The following C1QBP variants were observed in gnomAD, a reference collection of about 807,000 sequenced individuals.
C1QBP encodes complement component 1 Q subcomponent-binding protein, mitochondrial.
In C1QBP, 24 loss-of-function variants were observed where a neutral mutation model predicts 29.4. That is an observed-to-expected ratio of 0.82 (90% confidence interval 0.59 to 1.15). The LOEUF is 1.15. C1QBP is among the 50% of genes most tolerant of loss of function. C1QBP has a pLI of 0.00. For synonymous variants in C1QBP, 182 were observed against 149.2 expected, an observed-to-expected ratio of 1.22 and a Z score of -1.60; for missense variants, 337 against 355.8, an observed-to-expected ratio of 0.95 and a Z score of 0.43.
In C1QBP at chr17:5,433,240, A is replaced by G. The variant is rs193038392; in HGVS notation, c.699+53T>C. On this transcript the variant is annotated intron_variant, in intron 5 of 5. Transcript: ENST00000225698. ...AAATGCTTTTTTCTCCCCTTGAACT[A>G]GGACCCTTCCTTCCAAGGCCCAAAA... 107 of 1,612,878 alleles carry G rather than the reference A, an allele frequency of 6.6e-5. 1 individual carries two copies. In the African/African-American group the frequency reaches 1.3e-3, roughly 20 times the overall value.
At position 5,439,068 on chromosome 17, in the gene C1QBP, C is replaced by A; in HGVS notation, c.6G>T (p.Leu2=). The A allele has an allele frequency of 5.2e-6, 8 of 1,540,242 alleles. No homozygotes were observed. The highest frequency in any genetic ancestry group is 2.4e-5 in the South Asian group (2 of 83,860). ...CACGGGGCACGCAGCGCAGCAGAGG[C>A]AGCATCGCGGAAACGACTGCGAACA... M[L]PLLRCVPRVL... Residue 2 remains leucine (L), a synonymous_variant, in exon 1 of 6, where the codon CTG becomes CTT. Transcript: ENST00000225698.
Position 5,438,153 on chromosome 17 carries a change from G to A in C1QBP, c.353C>T (p.Ala118Val). The A allele has an allele frequency of 1.2e-6, 2 of 1,612,608 alleles. No homozygotes were observed. Among genetic ancestry groups the A allele is most frequent in the Non-Finnish European group, 1.7e-6 (2 of 1,179,966 alleles). The change falls in exon 2 of 6, where the codon GCG becomes GTG. Residue 118 changes from alanine (A) to valine (V), a missense_variant. Physicochemically the swap from Ala to Val is moderately conservative, Grantham distance 64. Transcript: ENST00000225698. ...GWELELNGTEAKLVRKVAGEK... is the reference protein window; with the variant it reads ...GWELELNGTEVKLVRKVAGEK... ...CCCGGCAACTTTCCGCACTAATTTCGCTTCTGTCCCATTCAGTTCCAGCTC... is the reference window on the plus strand; with the variant it reads ...CCCGGCAACTTTCCGCACTAATTTCACTTCTGTCCCATTCAGTTCCAGCTC...
In C1QBP at chr17:5,433,163, G is replaced by T; in HGVS notation, c.701C>A (p.Ala234Asp). 1 of 1,611,474 alleles carries T rather than the reference G, an allele frequency of 6.2e-7. No homozygotes were observed. ...GAAATCCATTAGGTGGTCATATAAG[G>T]CCTGCAAAGAACAATATTTACTAGT... ...YTLNTDSLDW[A>D]LYDHLMDFLA... Residue 234 changes from alanine (A) to aspartate (D), a missense_variant and splice_region_variant, in exon 6 of 6, where the codon GCC becomes GAC. By Grantham distance (126) the Ala-to-Asp change is moderately radical (BLOSUM62 -2). Coordinates refer to ENST00000225698, the MANE Select transcript of C1QBP (RefSeq NM_001212.4).
intron 1 of C1QBP, chr17:5,438,595 C>T: frequency 1.2e-6 from 1 of 843,472 alleles, no homozygotes; most frequent in Non-Finnish European, 1.8e-6. Context: ...CAAAGGTCCA[C>T]TTTCGATAGA....
chr17:5,437,132 C>T (rs2151677632), intron 2 of C1QBP, among the ~76,000 whole-genome samples: 1 of 152,268 alleles, frequency 6.6e-6, no homozygotes, highest in East Asian at 1.9e-4. Flanking sequence ...TGAGTGACTG[C>T]TAATAGGTAT....
At chr17:5,438,460 G>T in intron 1 of C1QBP, 187 bp from the exon 2 acceptor site, 1 of 817,456 alleles carries the variant, frequency 1.2e-6, no homozygotes, top group Non-Finnish European at 1.8e-6. Context: ...GCCTGATTCT[G>T]GAAAAGTGAT....
chr17:5,438,825 G>A lies in C1QBP; in HGVS notation c.232+17C>T, dbSNP rs1210360132. ...TCTGTTGAACGCAAACCACACCCCC[G>A]GCCCGCTAAACCTCACCGTCGGTGT... On this transcript the variant is annotated intron_variant, in intron 1 of 5. Coordinates refer to ENST00000225698, the MANE Select transcript of C1QBP (RefSeq NM_001212.4). 9.0e-6 allele frequency: 14 copies of A among 1,547,266 alleles called. No individual in the cohort carries two copies. Among genetic ancestry groups the A allele is most frequent in the African/African-American group, 4.1e-5 (3 of 72,818 alleles).
chr17:5,438,461 GAA>G, intron 1 of C1QBP, 188 bp from the exon 2 acceptor site: 1 of 816,168 alleles, frequency 1.2e-6, no homozygotes, highest in Non-Finnish European at 1.8e-6. Flanking sequence ...CCTGATTCTG[GAA>G]AAGTGATTTC....
At position 5,433,820 on chromosome 17, in the gene C1QBP, G is replaced by C. The variant is rs560631461; in HGVS notation, c.478-53C>G. On this transcript the variant is annotated intron_variant, in intron 3 of 5. Transcript: ENST00000225698. ...TGCTGCTGGAAGGAGATGGATGGCT[G>C]GATCAAGGATCTCTGTTCAGAGTGT... 2.7e-6 allele frequency: 4 copies of C among 1,455,720 alleles called. No individual in the cohort carries two copies. The South Asian group carries it at 3.4e-5, about 12-fold the overall frequency. 90.2% of individuals were successfully genotyped at this position (1,455,720 alleles called of 1,614,324 possible).
intron 2 of C1QBP, among the ~76,000 whole-genome samples, chr17:5,437,560 C>G (rs1916308120): frequency 6.6e-6 from 1 of 152,236 alleles, no homozygotes; most frequent in South Asian, 2.1e-4. Flanking sequence ...ACCTCATGAT[C>G]TGCCCGTCCC....
At chr17:5,435,919 G>A (rs1020703121) in intron 2 of C1QBP, among the ~76,000 whole-genome samples, 6 of 147,940 alleles carry the variant, frequency 4.1e-5, no homozygotes, top group African/African-American at 1.3e-4. Flanking sequence ...GGTGGTACGC[G>A]CCTGTAATCC....
intron 1 of C1QBP, 165 bp downstream of exon 1, chr17:5,438,677 G>A: frequency 1.4e-6 from 2 of 1,429,344 alleles, no homozygotes; most frequent in African/African-American, 1.4e-5. Flanking sequence ...CGAAACTGCT[G>A]GATAGGGGAG....
At position 5,438,149 on chromosome 17, in the gene C1QBP, T is replaced by A. The variant is rs1916325775; in HGVS notation, c.357A>T (p.Lys119Asn). 1 of 1,612,492 alleles carries A rather than the reference T, an allele frequency of 6.2e-7. No individual in the cohort carries two copies. The highest frequency in any genetic ancestry group is 1.7e-5 in the Admixed American group (1 of 59,996). ...WELELNGTEA[K>N]LVRKVAGEKI... ...TTTCCCCGGCAACTTTCCGCACTAA[T>A]TTCGCTTCTGTCCCATTCAGTTCCA... The change falls in exon 2 of 6, where the codon AAA becomes AAT. Residue 119 changes from lysine to asparagine, a missense_variant. Physicochemically the swap from Lys to Asn is moderately conservative, Grantham distance 94. Transcript: ENST00000225698.
chr17:5,438,307 G>C, intron 1 of C1QBP, 34 bp from the exon 2 acceptor site: 1 of 1,606,908 alleles, frequency 6.2e-7, no homozygotes, highest in Non-Finnish European at 8.5e-7. Flanking sequence ...AAAAAGGAAA[G>C]CCAGTTAGTC....
intron 3 of C1QBP, 68 bp from the exon 4 acceptor site, chr17:5,433,835 G>C: frequency 7.4e-7 from 1 of 1,353,152 alleles, no homozygotes; most frequent in Non-Finnish European, 1.1e-6. Context: ...AAGGATCTCT[G>C]TTCAGAGTGT....
rs1008620303 is a variant in C1QBP, at chr17:5,438,861, G to A, written c.213C>T (p.Cys71=). The A allele has an allele frequency of 2.6e-6, 4 of 1,545,566 alleles. No homozygotes were observed. In the African/African-American group the frequency reaches 5.5e-5, roughly 21 times the overall value. ...CCTCACCGTCGGTGTGCAGCGAGCC[G>A]CAGCCACAGCCACAGGCGCAGGGTC... The part of the protein sequence containing the change: ...PRGPCACGCG[C]GSLHTDGDKA... The change falls in exon 1 of 6, where the codon TGC becomes TGT. Residue 71 remains cysteine, a synonymous_variant. Coordinates refer to ENST00000225698, the MANE Select transcript of C1QBP (RefSeq NM_001212.4).
At position 5,432,913 on chromosome 17, in the gene C1QBP, T is replaced by C. The variant is rs545950305; in HGVS notation, c.*102A>G. The C allele has an allele frequency of 5.4e-5, 74 of 1,358,454 alleles. No individual in the cohort carries two copies. In the East Asian group the frequency reaches 1.1e-3, roughly 21 times the overall value. The allele number at this position is 1,358,454 out of a possible 1,614,324, so 84.2% of individuals were successfully genotyped here. A position where few individuals can be genotyped will look rare whatever the true frequency, so the allele number is the denominator to read the frequency against. On this transcript the variant is annotated 3_prime_UTR_variant, in exon 6 of 6. Coordinates refer to ENST00000225698, the MANE Select transcript of C1QBP (RefSeq NM_001212.4). ...ATTTGGTATTTTTTCCCCCATGATATTAGGATGATAATCATTTCAAAGCAC... is the reference window on the plus strand; with the variant it reads ...ATTTGGTATTTTTTCCCCCATGATACTAGGATGATAATCATTTCAAAGCAC...
intron 2 of C1QBP, among the ~76,000 whole-genome samples, chr17:5,437,693 CTT>C (rs1916311452): frequency 6.6e-6 from 1 of 152,218 alleles, no homozygotes. Context: ...AGTGTAAACA[CTT>C]TAACAGTTTA....
At chr17:5,438,334 T>C (rs1337806924) in intron 1 of C1QBP, 61 bp from the exon 2 acceptor site, 2 of 1,569,838 alleles carry the variant, frequency 1.3e-6, no homozygotes, top group Non-Finnish European at 1.7e-6. Context: ...ATAAAACTAT[T>C]ACCCAGGTTA....
Sources: allele counts gnomAD v4.1 joint callset (sites outside exome capture counted in the v4.1 genomes callset), GRCh38; gene constraint gnomAD v4.1.1; transcripts MANE v1.5; gene names NCBI Gene and HGNC (gene_info 2026-07-23, HGNC 2026-07-21).